Variants in HIP1 observed in about 807,000 individuals in gnomAD.
HIP1 encodes the protein huntingtin-interacting protein 1.
HIP1 carries 65 observed loss-of-function variants against 147.6 expected under a neutral mutation model. The observed-to-expected ratio is 0.44, with a 90% CI of 0.36 to 0.54. The LOEUF is 0.54. Ranked by LOEUF, HIP1 falls within the 20% of genes least tolerant of loss-of-function variation. HIP1 has a pLI of 0.00. For missense variants in HIP1, 1,061 were observed against 1,299.6 expected (o/e 0.82, Z 2.82); for synonymous variants, 479 against 504.0 (o/e 0.95, Z 0.67).
intron 1 of HIP1, among the ~76,000 whole-genome samples, chr7:75,738,179 T>G (rs1269483794): frequency 2.0e-5 from 3 of 152,074 alleles, no homozygotes; most frequent in Non-Finnish European, 2.9e-5. Flanking sequence ...CCAAAGTAAT[T>G]TTCCCACAAA....
chr7:75,726,519 G>A (rs560342933), intron 1 of HIP1, among the ~76,000 whole-genome samples: 18 of 151,928 alleles, frequency 1.2e-4, no homozygotes, highest in African/African-American at 2.4e-4. Context: ...TCTTGACCTC[G>A]CGATCCGCTC....
At chr7:75,654,433 A>G (rs1554512375) in intron 1 of HIP1, 1 of 152,154 alleles carries the variant, frequency 6.6e-6, no homozygotes, top group Non-Finnish European at 1.5e-5. Context: ...TGTCTGATTC[A>G]TTCATCAAAT....
intron 1 of HIP1, among the ~76,000 whole-genome samples, chr7:75,656,394 C>T (rs1200493793): frequency 3.4e-5 from 5 of 145,472 alleles, no homozygotes; most frequent in African/African-American, 5.2e-5. Context: ...TCCTAGCTTG[C>T]GTAAGGAGCC....
intron 1 of HIP1, among the ~76,000 whole-genome samples, chr7:75,648,460 C>T (rs1798874556): frequency 1.3e-5 from 2 of 152,090 alleles, no homozygotes; most frequent in Non-Finnish European, 2.9e-5. Context: ...CCTGATATTA[C>T]TAGATCTGTT....
chr7:75,645,870 A>G (rs2117174008), intron 1 of HIP1, among the ~76,000 whole-genome samples: 1 of 152,320 alleles, frequency 6.6e-6, no homozygotes, highest in Middle Eastern at 3.4e-3. Flanking sequence ...GTTCTCCCTC[A>G]TAAGTGGGAG....
Position 75,558,271 on chromosome 7 carries a change from C to G in HIP1, c.1376-16G>C. On this transcript the variant is annotated splice_polypyrimidine_tract_variant and intron_variant, in intron 14 of 30. Coordinates refer to ENST00000336926, the MANE Select transcript of HIP1 (RefSeq NM_005338.7). The stretch of plus-strand genomic sequence containing the variant: ...TGAGCTTTCCCTGTATTGTAAAGGA[C>G]CAAGGTGAGGAGTCTAACCTAGCAG... 1 of 1,605,608 alleles carries G rather than the reference C, an allele frequency of 6.2e-7. No individual in the cohort carries two copies. Among genetic ancestry groups the G allele is most frequent in the Non-Finnish European group, 8.5e-7 (1 of 1,172,214 alleles).
intron 2 of HIP1, among the ~76,000 whole-genome samples, chr7:75,595,532 C>A (rs587603849): frequency 6.6e-6 from 1 of 151,664 alleles, no homozygotes; most frequent in South Asian, 2.1e-4. Context: ...TTAGTAGAGA[C>A]GGGGTTTCAC....
At chr7:75,684,571 TCA>T (rs1800197624) in intron 1 of HIP1, among the ~76,000 whole-genome samples, 1 of 152,142 alleles carries the variant, frequency 6.6e-6, no homozygotes, top group Non-Finnish European at 1.5e-5. Flanking sequence ...GGCCCAGTAT[TCA>T]CAGTTTTTCA....
chr7:75,657,061 G>A (rs1273788039), intron 1 of HIP1, among the ~76,000 whole-genome samples: 2 of 152,082 alleles, frequency 1.3e-5, no homozygotes, highest in Non-Finnish European at 2.9e-5. Flanking sequence ...CCCATTACTG[G>A]GTATCTACCC....
intron 2 of HIP1, among the ~76,000 whole-genome samples, chr7:75,596,526 A>T (rs1259828082): frequency 6.6e-6 from 1 of 152,112 alleles, no homozygotes; most frequent in African/African-American, 2.4e-5. Flanking sequence ...AGCTGGGATT[A>T]CAGGTACCTG....
intron 9 of HIP1, 84 bp from the exon 10 acceptor site, chr7:75,563,347 C>A (rs1268089798): frequency 8.1e-7 from 1 of 1,230,618 alleles, no homozygotes; most frequent in Non-Finnish European, 1.2e-6. Context: ...GGCTTTCCTG[C>A]CCCCTCCCCA....
intron 1 of HIP1, chr7:75,639,050 C>G (rs1190285257): frequency 2.0e-6 from 2 of 983,300 alleles, no homozygotes; most frequent in Non-Finnish European, 2.4e-6. Flanking sequence ...CTCACACTTA[C>G]CATCTTGCTC....
intron 1 of HIP1, among the ~76,000 whole-genome samples, chr7:75,712,861 T>TTCAC (rs1417450886): frequency 6.6e-6 from 1 of 152,192 alleles, no homozygotes; most frequent in African/African-American, 2.4e-5. Flanking sequence ...TACTCCTTCA[T>TTCAC]TCACTCACTC....
intron 1 of HIP1, among the ~76,000 whole-genome samples, chr7:75,643,218 G>C (rs1584913878): frequency 6.6e-6 from 1 of 152,190 alleles, no homozygotes; most frequent in East Asian, 1.9e-4. Context: ...AAAAAATATT[G>C]CTTATGAAAG....
chr7:75,605,625 T>C (rs1482930867), intron 1 of HIP1, among the ~76,000 whole-genome samples: 1 of 152,156 alleles, frequency 6.6e-6, no homozygotes, highest in Non-Finnish European at 1.5e-5. Context: ...CTCCACCTCC[T>C]GGGTTCGAGT....
chr7:75,549,927 T>A (rs1554491813), intron 22 of HIP1, among the ~76,000 whole-genome samples: 1 of 151,704 alleles, frequency 6.6e-6, no homozygotes, highest in African/African-American at 2.4e-5. Flanking sequence ...CCTCCTGTCT[T>A]GGCTTCCCAA....
chr7:75,738,671 G>T (rs1802105662), intron 1 of HIP1, 130 bp downstream of exon 1: 9 of 1,150,812 alleles, frequency 7.8e-6, no homozygotes, highest in Non-Finnish European at 1.1e-5. Context: ...GCACGTCAAT[G>T]CCCCCGCTCA....
intron 1 of HIP1, among the ~76,000 whole-genome samples, chr7:75,634,941 G>GAAAAAAAAAAA (rs58461422): frequency 1.8e-4 from 11 of 62,572 alleles, no homozygotes; most frequent in Admixed American, 5.4e-4. Flanking sequence ...CACTATCTCT[G>GAAAAAAAAAAA]AAAAAAAAAA....
intron 1 of HIP1, among the ~76,000 whole-genome samples, chr7:75,612,586 ATC>A (rs1554505247): frequency 6.6e-6 from 1 of 152,054 alleles, no homozygotes; most frequent in African/African-American, 2.4e-5. Context: ...AGGCGGGTGG[ATC>A]ACCTGAGGTC....
Sources: allele counts gnomAD v4.1 joint callset (sites outside exome capture counted in the v4.1 genomes callset), GRCh38; gene constraint gnomAD v4.1.1; transcripts MANE v1.5; gene names NCBI Gene and HGNC (gene_info 2026-07-23, HGNC 2026-07-21).